The following CSMD1 variants were observed in gnomAD, a reference collection of about 807,000 sequenced individuals.
CSMD1 encodes the protein CUB and sushi domain-containing protein 1.
In CSMD1, 213 loss-of-function variants were observed where a neutral mutation model predicts 417.5. That is an observed-to-expected ratio of 0.51 (90% CI 0.46 to 0.57). The LOEUF (loss-of-function observed/expected upper bound fraction) is 0.57, where lower values mean the gene tolerates loss of function less well. Ranked by LOEUF, CSMD1 falls within the 20% of genes least tolerant of loss-of-function variation. The probability of loss-of-function intolerance (pLI) is 0.00; values close to 1 mark genes in which losing one functional copy is unlikely to be tolerated. For synonymous variants in CSMD1, 2,862 were observed against 1,736.8 expected, an observed-to-expected ratio of 1.65 and a Z score of -16.11; for missense variants, 6,923 against 4,529.7, an observed-to-expected ratio of 1.53 and a Z score of -15.17.
At chr8:4,724,254 T>C (rs1334722748) in intron 1 of CSMD1, among the ~76,000 whole-genome samples, 2 of 152,106 alleles carry the variant, frequency 1.3e-5, no homozygotes, top group Non-Finnish European at 2.9e-5. Flanking sequence ...ATTATCAGGC[T>C]GGCTAATGAA....
At chr8:3,850,734 A>T (rs1190126060) in intron 5 of CSMD1, among the ~76,000 whole-genome samples, 15 of 150,762 alleles carry the variant, frequency 9.9e-5, no homozygotes, top group Non-Finnish European at 4.4e-5. Flanking sequence ...ATAAAACAAT[A>T]AAAAAATTGA....
intron 5 of CSMD1, among the ~76,000 whole-genome samples, chr8:3,909,150 T>C (rs1457144441): frequency 2.6e-5 from 4 of 152,156 alleles, no homozygotes; most frequent in African/African-American, 9.7e-5. Flanking sequence ...GGATCGTGAT[T>C]GGTCCTTTGG....
chr8:3,228,004 G>C (rs1798616957), intron 27 of CSMD1, among the ~76,000 whole-genome samples: 1 of 152,164 alleles, frequency 6.6e-6, no homozygotes, highest in Non-Finnish European at 1.5e-5. Context: ...CTGATGTCAA[G>C]TGATCTGCCC....
chr8:4,438,825 C>A (rs1470392770), intron 2 of CSMD1, among the ~76,000 whole-genome samples: 1 of 152,210 alleles, frequency 6.6e-6, no homozygotes. Context: ...AGATCTAATT[C>A]TCAAAATTGA....
chr8:4,298,799 G>C (rs1797822987), intron 3 of CSMD1, among the ~76,000 whole-genome samples: 1 of 151,942 alleles, frequency 6.6e-6, no homozygotes, highest in Non-Finnish European at 1.5e-5. Context: ...GAATGTGTTT[G>C]TAAAATACAT....
intron 4 of CSMD1, among the ~76,000 whole-genome samples, chr8:4,021,831 C>T (rs971245388): frequency 2.0e-5 from 3 of 152,110 alleles, no homozygotes; most frequent in Admixed American, 1.3e-4. Context: ...AGACCCGGGG[C>T]TCTAGTTGGC....
chr8:4,303,420 C>CTTTTTTTTTTTTTTTTTTTTTTTTTTTT lies in CSMD1; in HGVS notation c.415+116532_415+116533insAAAAAAAAAAAAAAAAAAAAAAAAAAAA, dbSNP rs1563419612. On this transcript the variant is annotated intron_variant, in intron 3 of 69. Coordinates refer to ENST00000635120, the MANE Select transcript of CSMD1 (RefSeq NM_033225.6). Reference sequence around the variant, plus strand: ...TCTCATTTATATATTGGGCAGGAAGCTGTTTTTTTTTTTTTTTTTTTTTTT... The same window carrying CTTTTTTTTTTTTTTTTTTTTTTTTTTTT: ...TCTCATTTATATATTGGGCAGGAAGCTTTTTTTTTTTTTTTTTTTTTTTTTTTTTGTTTTTTTTTTTTTTTTTTTTTTT... Among the ~76,000 whole-genome samples, 5 of 92,318 alleles carry CTTTTTTTTTTTTTTTTTTTTTTTTTTTT rather than the reference C, an allele frequency of 5.4e-5. 1 individual carries two copies. Among genetic ancestry groups the CTTTTTTTTTTTTTTTTTTTTTTTTTTTT allele is most frequent in the Admixed American group, 1.2e-4 (1 of 8,056 alleles). 60.6% of individuals were successfully genotyped at this position (92,318 alleles called of 152,430 possible). A position where few individuals can be genotyped will look rare whatever the true frequency, so the allele number is the denominator to read the frequency against.
Position 3,823,686 on chromosome 8 carries a change from A to G in CSMD1, c.819-69644T>C, listed in dbSNP as rs1404881951. Among the ~76,000 whole-genome samples the G allele has an allele frequency of 6.6e-5, 10 of 152,300 alleles. No homozygotes were observed. The East Asian group carries it at 9.7e-4, about 15-fold the overall frequency. Reference sequence around the variant, plus strand: ...CATTTACACGTTTTATGCAATGGATATATGTTTGAACCATTTAACTTACGC... The same window carrying G: ...CATTTACACGTTTTATGCAATGGATGTATGTTTGAACCATTTAACTTACGC... On this transcript the variant is annotated intron_variant, in intron 5 of 69. Transcript: ENST00000635120.
intron 10 of CSMD1, among the ~76,000 whole-genome samples, chr8:3,552,051 T>G (rs1271730402): frequency 1.3e-5 from 2 of 152,212 alleles, no homozygotes; most frequent in South Asian, 2.1e-4. Flanking sequence ...ATTTTGCAGA[T>G]GCATGTTCTG....
chr8:3,647,243 T>G (rs550428896), intron 7 of CSMD1, among the ~76,000 whole-genome samples: 2 of 152,314 alleles, frequency 1.3e-5, no homozygotes, highest in East Asian at 3.9e-4. Context: ...CAGCAAGGGA[T>G]GAGTAACAAC....
At position 4,074,317 on chromosome 8, in the gene CSMD1, A is replaced by G. The variant is rs183410487; in HGVS notation, c.416-42218T>C. 2.6e-4 allele frequency among the ~76,000 whole-genome samples: 39 copies of G among 152,232 alleles called. No individual in the cohort carries two copies. The East Asian group carries it at 6.9e-3, about 27-fold the overall frequency. ...AACAATGAAAGAAAATAAAAACTAT[A>G]GATTAACAGTATTTGGCATCTGAAT... is the stretch of plus-strand genomic sequence containing the variant. On this transcript the variant is annotated intron_variant, in intron 3 of 69. Coordinates refer to ENST00000635120, the MANE Select transcript of CSMD1 (RefSeq NM_033225.6).
chr8:4,851,321 C>G (rs1379421966), intron 1 of CSMD1, among the ~76,000 whole-genome samples: 2 of 152,140 alleles, frequency 1.3e-5, no homozygotes, highest in South Asian at 2.1e-4. Flanking sequence ...TGTATACATG[C>G]CAACTTTTCT....
intron 5 of CSMD1, among the ~76,000 whole-genome samples, chr8:3,886,964 T>C (rs1806606708): frequency 6.6e-6 from 1 of 152,174 alleles, no homozygotes; most frequent in East Asian, 1.9e-4. Context: ...TGTCTTCAGA[T>C]AAATGCATTA....
Position 4,175,401 on chromosome 8 carries a change from T to C in CSMD1, c.416-143302A>G, listed in dbSNP as rs749010756. Among the ~76,000 whole-genome samples, 4 of 152,198 alleles carry C rather than the reference T, an allele frequency of 2.6e-5. No individual in the cohort carries two copies. The South Asian group carries it at 6.2e-4, about 24-fold the overall frequency. On this transcript the variant is annotated intron_variant, in intron 3 of 69. Coordinates refer to ENST00000635120, the MANE Select transcript of CSMD1 (RefSeq NM_033225.6). The stretch of plus-strand genomic sequence containing the variant: ...GTCTGATCTTCTCTCTTACCTGCGC[T>C]ATACTTTTATTGTTCAACGGAATAT...
chr8:4,787,584 G>C (rs921469684), intron 1 of CSMD1: 2 of 1,523,192 alleles, frequency 1.3e-6, no homozygotes, highest in African/African-American at 1.4e-5. Flanking sequence ...GCACCCCAGT[G>C]CGAAATGATT....
intron 5 of CSMD1, among the ~76,000 whole-genome samples, chr8:3,962,578 G>C (rs970560054): frequency 6.6e-6 from 1 of 152,068 alleles, no homozygotes; most frequent in Non-Finnish European, 1.5e-5. Context: ...CGAGGAGTAA[G>C]CAATGAAATC....
chr8:3,497,068 A>C (rs1796396109), intron 10 of CSMD1, among the ~76,000 whole-genome samples: 1 of 152,216 alleles, frequency 6.6e-6, no homozygotes, highest in African/African-American at 2.4e-5. Flanking sequence ...ACATACGATC[A>C]GTCCTGAAGA....
chr8:3,316,107 G>A (rs566663189), intron 23 of CSMD1, among the ~76,000 whole-genome samples: 2 of 152,094 alleles, frequency 1.3e-5, no homozygotes, highest in Non-Finnish European at 2.9e-5. Context: ...CCAGGATCAG[G>A]CACCTACATG....
intron 1 of CSMD1, among the ~76,000 whole-genome samples, chr8:4,922,972 C>G (rs1454007242): frequency 6.6e-6 from 1 of 152,164 alleles, no homozygotes; most frequent in African/African-American, 2.4e-5. Context: ...CACAGAAATA[C>G]TCACATTAAT....
Sources: gnomAD v4.1 joint callset for allele counts (sites outside exome capture counted in the v4.1 genomes callset) on GRCh38, gnomAD v4.1.1 for gene constraint, MANE v1.5 for transcripts, NCBI Gene and HGNC (gene_info 2026-07-23, HGNC 2026-07-21) for gene names.